Variants in MGAT4C observed in about 807,000 individuals in gnomAD.
MGAT4C encodes the protein alpha-1,3-mannosyl-glycoprotein 4-beta-N-acetylglucosaminyltransferase C.
In MGAT4C, 19 loss-of-function variants were observed where a neutral mutation model predicts 40.1. The observed-to-expected ratio is 0.47, with a 90% CI of 0.33 to 0.70. MGAT4C has a LOEUF of 0.70. MGAT4C is among the 30% of genes least tolerant of loss of function. The pLI, the probability that MGAT4C is intolerant of heterozygous loss-of-function variation, is 0.02. For missense variants in MGAT4C, 491 were observed against 563.2 expected, an observed-to-expected ratio of 0.87 and a Z score of 1.30; for synonymous variants, 181 against 187.1, an observed-to-expected ratio of 0.97 and a Z score of 0.27.
At chr12:86,280,936 T>C (rs1301041841) in intron 4 of MGAT4C, among the ~76,000 whole-genome samples, 1 of 152,120 alleles carries the variant, frequency 6.6e-6, no homozygotes, top group Admixed American at 6.5e-5. Flanking sequence ...TGTTTAATGA[T>C]TATGGCAATC....
chr12:86,043,922 G>A (rs1892136343), intron 2 of MGAT4C, among the ~76,000 whole-genome samples: 1 of 152,126 alleles, frequency 6.6e-6, no homozygotes, highest in Non-Finnish European at 1.5e-5. Context: ...AACCAGCGTG[G>A]GTCATTTTGA....
intron 1 of MGAT4C, among the ~76,000 whole-genome samples, chr12:86,741,095 T>TG (rs1336489844): frequency 6.6e-6 from 1 of 151,032 alleles, no homozygotes; most frequent in Non-Finnish European, 1.5e-5. Context: ...AGTGAGAACA[T>TG]GCAGTACTTG....
chr12:86,754,807 G>C (rs186733174), intron 1 of MGAT4C, among the ~76,000 whole-genome samples: 2 of 152,224 alleles, frequency 1.3e-5, no homozygotes, highest in African/African-American at 4.8e-5. Context: ...CCTGGACAGA[G>C]CTGAGAAGAG....
At chr12:86,448,794 A>G (rs1202511080) in intron 2 of MGAT4C, among the ~76,000 whole-genome samples, 3 of 152,206 alleles carry the variant, frequency 2.0e-5, no homozygotes, top group African/African-American at 7.2e-5. Flanking sequence ...TCTTCCCCAG[A>G]CAAATCAAAG....
At chr12:86,679,491 T>C (rs1949939348) in intron 2 of MGAT4C, among the ~76,000 whole-genome samples, 1 of 152,072 alleles carries the variant, frequency 6.6e-6, no homozygotes, top group Non-Finnish European at 1.5e-5. Context: ...TCTTGAAATA[T>C]GACAAGATTG....
chr12:86,081,721 G>C (rs1238856481), intron 1 of MGAT4C, among the ~76,000 whole-genome samples: 1 of 151,754 alleles, frequency 6.6e-6, no homozygotes, highest in African/African-American at 2.4e-5. Flanking sequence ...GGTACAGAAA[G>C]GACCAAAAAG....
In MGAT4C at chr12:85,967,328, T is replaced by C. The variant is rs895514840; in HGVS notation, c.*11961A>G. On this transcript the variant is annotated 3_prime_UTR_variant, in exon 5 of 5. Coordinates refer to ENST00000611864, the MANE Select transcript of MGAT4C (RefSeq NM_001351288.2). ...AAAAAAATGTTACTTTTTGTATTAA[T>C]CAGTGGAATGTTTAAAGAAAAAACT... The C allele has an allele frequency of 9.2e-5, 14 of 152,136 alleles. No individual in the cohort carries two copies. The highest frequency in any genetic ancestry group is 1.5e-4 in the Non-Finnish European group (10 of 68,008). 9.4% of individuals were successfully genotyped at this position (152,136 alleles called of 1,614,324 possible).
At chr12:86,301,000 G>A (rs908207319) in intron 4 of MGAT4C, among the ~76,000 whole-genome samples, 1 of 152,170 alleles carries the variant, frequency 6.6e-6, no homozygotes, top group Admixed American at 6.5e-5. Flanking sequence ...TCATAGAAGA[G>A]AGACTCAAAT....
chr12:86,788,994 T>C (rs1336077948), intron 1 of MGAT4C, among the ~76,000 whole-genome samples: 1 of 152,150 alleles, frequency 6.6e-6, no homozygotes, highest in Non-Finnish European at 1.5e-5. Context: ...CTTGAAAATG[T>C]GTAGCTCACA....
chr12:86,435,680 A>T (rs1383888346), intron 2 of MGAT4C, among the ~76,000 whole-genome samples: 1 of 151,904 alleles, frequency 6.6e-6, no homozygotes, highest in African/African-American at 2.4e-5. Flanking sequence ...GATAAAACTC[A>T]AATGAACATT....
chr12:86,636,681 T>G (rs1223766046), intron 2 of MGAT4C, among the ~76,000 whole-genome samples: 1 of 152,056 alleles, frequency 6.6e-6, no homozygotes, highest in Non-Finnish European at 1.5e-5. Context: ...GAAATTTTCA[T>G]GTTGTTTAAC....
At chr12:86,408,729 A>G (rs1956539524) in intron 3 of MGAT4C, among the ~76,000 whole-genome samples, 1 of 151,650 alleles carries the variant, frequency 6.6e-6, no homozygotes, top group South Asian at 2.1e-4. Context: ...AAGCTTGCTA[A>G]CCTATTTATT....
intron 1 of MGAT4C, among the ~76,000 whole-genome samples, chr12:86,201,891 AT>A (rs1288286872): frequency 1.3e-5 from 2 of 151,998 alleles, no homozygotes; most frequent in African/African-American, 4.8e-5. Context: ...CATTGCTATG[AT>A]TTTATTGTTT....
intron 1 of MGAT4C, among the ~76,000 whole-genome samples, chr12:86,788,831 T>C (rs1951976975): frequency 6.6e-6 from 1 of 152,150 alleles, no homozygotes; most frequent in South Asian, 2.1e-4. Flanking sequence ...GAAGGAAATC[T>C]TGTCAATGTA....
rs1894967303 is a variant in MGAT4C at position 86,070,370 on chromosome 12, T to G, written c.-56-20647A>C. Among the ~76,000 whole-genome samples, 3 of 152,204 alleles carry G rather than the reference T, an allele frequency of 2.0e-5. No individual in the cohort carries two copies. In the South Asian group the frequency reaches 6.2e-4, roughly 31 times the overall value. Reference sequence around the variant, plus strand: ...AAGTTTATAAAAACAGTAATCTTTTTTTTCCTCTGATTGTTTGCTAGTCAC... The same window carrying G: ...AAGTTTATAAAAACAGTAATCTTTTGTTTCCTCTGATTGTTTGCTAGTCAC... On this transcript the variant is annotated intron_variant, in intron 1 of 4. Transcript: ENST00000611864.
chr12:86,624,816 C>A (rs974671341), intron 2 of MGAT4C, among the ~76,000 whole-genome samples: 2 of 152,044 alleles, frequency 1.3e-5, no homozygotes, highest in African/African-American at 2.4e-5. Context: ...AAAAGTTGTC[C>A]ATTAAGAAAG....
At chr12:86,255,565 T>C (rs1018628632) in intron 1 of MGAT4C, among the ~76,000 whole-genome samples, 2 of 152,166 alleles carry the variant, frequency 1.3e-5, no homozygotes, top group African/African-American at 4.8e-5. Flanking sequence ...AAAGACAGTA[T>C]TTTATTATGC....
Position 86,161,542 on chromosome 12 carries a change from A to G in MGAT4C, c.-57+94697T>C, listed in dbSNP as rs190035401. ...AACGATTTAAATGTTAAAACCTGAA[A>G]CTATAAAAATCCTGGAAGACAACAA... On this transcript the variant is annotated intron_variant, in intron 1 of 4. Transcript: ENST00000611864. Among the ~76,000 whole-genome samples the G allele has an allele frequency of 3.2e-4, 49 of 152,266 alleles. No individual in the cohort carries two copies. The East Asian group carries it at 5.4e-3, about 17-fold the overall frequency.
At chr12:86,821,357 T>C (rs1593238856) in intron 1 of MGAT4C, among the ~76,000 whole-genome samples, 1 of 150,928 alleles carries the variant, frequency 6.6e-6, no homozygotes, top group South Asian at 2.1e-4. Flanking sequence ...ACGTTTAATC[T>C]TTTTAAATTT....
Sources: allele counts gnomAD v4.1 joint callset (sites outside exome capture counted in the v4.1 genomes callset), GRCh38; gene constraint gnomAD v4.1.1; transcripts MANE v1.5; gene names NCBI Gene and HGNC (gene_info 2026-07-23, HGNC 2026-07-21).